The following CORO2B variants were observed in gnomAD, a reference collection of about 807,000 sequenced individuals.
CORO2B encodes coronin 2B, also known as coronin-2B.
In CORO2B, 26 loss-of-function variants were observed where a neutral mutation model predicts 58.8. The observed-to-expected ratio is 0.44, with a 90% CI of 0.32 to 0.61. CORO2B has a LOEUF of 0.61. CORO2B is among the 20% of genes least tolerant of loss of function. The pLI is 0.04. For synonymous variants in CORO2B, 242 were observed against 253.8 expected (o/e 0.95, Z 0.44); for missense variants, 460 against 645.1 (o/e 0.71, Z 3.11).
chr15:68,605,731 TTTTTTTTTTG>T (rs1900099855), intron 1 of CORO2B, among the ~76,000 whole-genome samples: 5 of 137,566 alleles, frequency 3.6e-5, no homozygotes, highest in Non-Finnish European at 3.2e-5. Flanking sequence ...TTTTTTTTTT[TTTTTTTTTTG>T]AGATGGAGTC....
intron 1 of CORO2B, among the ~76,000 whole-genome samples, chr15:68,608,184 G>T (rs189561871): frequency 1.3e-5 from 2 of 152,260 alleles, no homozygotes; most frequent in Non-Finnish European, 2.9e-5. Context: ...AGACATGGGG[G>T]GCCTGAGCAC....
chr15:68,615,997 C>T (rs8041119), intron 1 of CORO2B, among the ~76,000 whole-genome samples: 8 of 152,026 alleles, frequency 5.3e-5, no homozygotes, highest in East Asian at 1.9e-4. Context: ...ACCTACTGTG[C>T]GCCAGACCTG....
chr15:68,686,384 C>T (rs2140306516), intron 2 of CORO2B, among the ~76,000 whole-genome samples: 1 of 152,210 alleles, frequency 6.6e-6, no homozygotes, highest in South Asian at 2.1e-4. Flanking sequence ...CTTGGTGTCT[C>T]ATCTACATCC....
chr15:68,621,394 A>G (rs1900512449), intron 1 of CORO2B, among the ~76,000 whole-genome samples: 1 of 152,258 alleles, frequency 6.6e-6, no homozygotes, highest in African/African-American at 2.4e-5. Context: ...CTCAGGGACC[A>G]GAGAGGCTTC....
the CORO2B span, among the ~76,000 whole-genome samples, chr15:68,524,084 A>C: frequency 6.6e-6 from 1 of 151,676 alleles, no homozygotes; most frequent in Non-Finnish European, 1.5e-5. Context: ...AAATTAGCTG[A>C]GTGTGGTGGT....
At chr15:68,552,870 G>A in the CORO2B span, among the ~76,000 whole-genome samples, 1 of 152,214 alleles carries the variant, frequency 6.6e-6, no homozygotes, top group Non-Finnish European at 1.5e-5. Context: ...AAGGAAGCAG[G>A]GAGCCTGACC....
chr15:68,639,205 C>T (rs1901129277), intron 1 of CORO2B, among the ~76,000 whole-genome samples: 1 of 152,096 alleles, frequency 6.6e-6, no homozygotes, highest in African/African-American at 2.4e-5. Context: ...TGGCTCTTGC[C>T]CCCCTACCAT....
In CORO2B at chr15:68,645,424, C is replaced by G; in HGVS notation, c.216+64C>G. 1 of 1,500,928 alleles carries G rather than the reference C, an allele frequency of 6.7e-7. No individual in the cohort carries two copies. Among genetic ancestry groups the G allele is most frequent in the Non-Finnish European group, 9.1e-7 (1 of 1,100,976 alleles). The allele number at this position is 1,500,928 out of a possible 1,614,324, so 93.0% of individuals were successfully genotyped here. A position where few individuals can be genotyped will look rare whatever the true frequency, so the allele number is the denominator to read the frequency against. Reference sequence around the variant, plus strand: ...GGCAGAGAGGAGCCCTCCTTGGTCTCTCTTAGGCCTGTTGACCCTACTTCT... The same window carrying G: ...GGCAGAGAGGAGCCCTCCTTGGTCTGTCTTAGGCCTGTTGACCCTACTTCT... On this transcript the variant is annotated intron_variant, in intron 2 of 11. Coordinates refer to ENST00000261861, the MANE Select transcript of CORO2B (RefSeq NM_006091.5). This position sits in a 1 kb window ranked among gnomAD's most constrained non-coding sequence, Gnocchi z 4.5.
intron 1 of CORO2B, among the ~76,000 whole-genome samples, chr15:68,620,310 C>T (rs956193341): frequency 6.6e-6 from 1 of 152,146 alleles, no homozygotes; most frequent in African/African-American, 2.4e-5. Flanking sequence ...GATGTTTGTA[C>T]AGATATTTAA....
At chr15:68,530,061 A>G in the CORO2B span, among the ~76,000 whole-genome samples, 2 of 152,228 alleles carry the variant, frequency 1.3e-5, no homozygotes, top group Non-Finnish European at 2.9e-5. Context: ...ACAGTGGCTC[A>G]TGCCTGTAAT....
intron 1 of CORO2B, among the ~76,000 whole-genome samples, chr15:68,624,983 G>A (rs983011724): frequency 2.6e-5 from 4 of 152,186 alleles, no homozygotes; most frequent in East Asian, 1.9e-4. Flanking sequence ...ACCCAGCCAT[G>A]TCTCTGTTTT....
the CORO2B span, among the ~76,000 whole-genome samples, chr15:68,550,776 C>T: frequency 2.6e-5 from 4 of 152,198 alleles, no homozygotes; most frequent in Non-Finnish European, 5.9e-5. Context: ...CAGAACACAT[C>T]TGAGATGCAG....
chr15:68,631,308 G>A (rs1007455470), intron 1 of CORO2B, among the ~76,000 whole-genome samples: 7 of 152,194 alleles, frequency 4.6e-5, no homozygotes, highest in Admixed American at 3.3e-4. Context: ...TGAGAAGGAG[G>A]CAGTGTTGCC....
At position 68,645,363 on chromosome 15, in the gene CORO2B, A is replaced by C. The variant is rs771239249; in HGVS notation, c.216+3A>C. The stretch of plus-strand genomic sequence containing the variant: ...TCCTCGTCATCCCCCTGGAGCAGGT[A>C]GGTGGCCCCTACCTTCACTCCAGCT... On this transcript the variant is annotated splice_donor_region_variant and intron_variant, in intron 2 of 11. Transcript: ENST00000261861. The surrounding 1 kb of genome is among the most constrained non-coding windows in gnomAD (Gnocchi z 4.5). The C allele has an allele frequency of 9.9e-6, 16 of 1,608,936 alleles. No individual in the cohort carries two copies. Among genetic ancestry groups the C allele is most frequent in the Non-Finnish European group, 1.4e-5 (16 of 1,179,734 alleles).
At chr15:68,606,812 G>A (rs964293164) in intron 1 of CORO2B, among the ~76,000 whole-genome samples, 2 of 152,156 alleles carry the variant, frequency 1.3e-5, no homozygotes, top group African/African-American at 4.8e-5. Context: ...GATAGAGGAT[G>A]AGTTTCTTGA....
chr15:68,633,295 C>T (rs375402506), intron 1 of CORO2B, among the ~76,000 whole-genome samples: 3 of 152,138 alleles, frequency 2.0e-5, no homozygotes, highest in Admixed American at 6.5e-5. Flanking sequence ...TTGCTGGGTC[C>T]TAAATTAACT....
In CORO2B at chr15:68,704,039, T is replaced by TACAAAC. The variant is rs1269309677; in HGVS notation, c.334-6690_334-6689insAACACA. Among the ~76,000 whole-genome samples the TACAAAC allele has an allele frequency of 4.1e-4, 52 of 128,156 alleles. No individual in the cohort carries two copies. The East Asian group carries it at 8.2e-3, about 20-fold the overall frequency. The allele number at this position is 128,156 out of a possible 152,430, so 84.1% of individuals were successfully genotyped here. A position where few individuals can be genotyped will look rare whatever the true frequency, so the allele number is the denominator to read the frequency against. ...CAAAAACCCTTTCTCTACACACACA[T>TACAAAC]ACACACACACACACACACACACACA... is the stretch of plus-strand genomic sequence containing the variant. On this transcript the variant is annotated intron_variant, in intron 3 of 11. Transcript: ENST00000261861.
At chr15:68,523,196 C>CT in the CORO2B span, among the ~76,000 whole-genome samples, 1 of 151,622 alleles carries the variant, frequency 6.6e-6, no homozygotes, top group Non-Finnish European at 1.5e-5. Flanking sequence ...TTTCTTTTTT[C>CT]TTTTTTCTTT....
At chr15:68,690,811 A>G (rs1892340316) in intron 2 of CORO2B, among the ~76,000 whole-genome samples, 3 of 151,424 alleles carry the variant, frequency 2.0e-5, no homozygotes, top group Admixed American at 2.0e-4. Context: ...CACTATGGCT[A>G]GCTAATTTTT....
Sources: allele counts gnomAD v4.1 joint callset (sites outside exome capture counted in the v4.1 genomes callset), GRCh38; gene constraint gnomAD v4.1.1; non-coding constraint Gnocchi (gnomAD v3.1); transcripts MANE v1.5; gene names NCBI Gene and HGNC (gene_info 2026-07-23, HGNC 2026-07-21).